Variants in PTCH2 observed in about 807,000 individuals in gnomAD.
PTCH2 encodes patched 2, also known as protein patched homolog 2.
Under a neutral mutation model 117.9 loss-of-function variants are expected in PTCH2, and 96 were observed. The observed-to-expected ratio is 0.81, with a 90% CI of 0.69 to 0.96. PTCH2 has a LOEUF of 0.96. PTCH2 is among the 50% of genes least tolerant of loss of function. The pLI is 0.00. For synonymous variants in PTCH2, 615 were observed against 660.9 expected (o/e 0.93, Z 1.06); for missense variants, 1,379 against 1,562.5 (o/e 0.88, Z 1.98).
rs574326838 is a variant in PTCH2 at position 44,834,273 on chromosome 1, C to T, written c.266-1932G>A. On this transcript the variant is annotated intron_variant, in intron 2 of 21. Coordinates refer to ENST00000372192, the MANE Select transcript of PTCH2 (RefSeq NM_003738.5). ...TAGTTGGGATTACAGGTGCCTGCCACTACGCCTGGCTAATTTTTATATTAT... is the reference window on the plus strand; with the variant it reads ...TAGTTGGGATTACAGGTGCCTGCCATTACGCCTGGCTAATTTTTATATTAT... Among the ~76,000 whole-genome samples, 12 of 152,288 alleles carry T rather than the reference C, an allele frequency of 7.9e-5. No individual in the cohort carries two copies. In the East Asian group the frequency reaches 1.7e-3, roughly 22 times the overall value.
intron 2 of PTCH2, among the ~76,000 whole-genome samples, chr1:44,839,388 A>AC (rs1653840693): frequency 9.4e-5 from 14 of 149,138 alleles, no homozygotes; most frequent in African/African-American, 3.2e-4. Flanking sequence ...AAAAAACAGA[A>AC]AGAAAAAAAA....
Position 44,828,647 on chromosome 1 carries a change from G to A in PTCH2, c.1465-16C>T. 6.2e-7 allele frequency: 1 copy of A among 1,609,454 alleles called. No individual in the cohort carries two copies. The highest frequency in any genetic ancestry group is 1.1e-5 in the South Asian group (1 of 90,316). ...CCATGCGCTCCTGCCAGGACAGAGT[G>A]GGGACCTGCCCTCAGGTCACAAGGG... On this transcript the variant is annotated splice_polypyrimidine_tract_variant and intron_variant, in intron 11 of 21. Coordinates refer to ENST00000372192, the MANE Select transcript of PTCH2 (RefSeq NM_003738.5).
chr1:44,835,270 T>C (rs1468984592), intron 2 of PTCH2, among the ~76,000 whole-genome samples: 1 of 152,134 alleles, frequency 6.6e-6, no homozygotes, highest in Non-Finnish European at 1.5e-5. Context: ...TTGCCCAGGC[T>C]GGTCTCGAAC....
intron 2 of PTCH2, among the ~76,000 whole-genome samples, chr1:44,837,272 T>G (rs975459650): frequency 6.6e-6 from 1 of 152,144 alleles, no homozygotes; most frequent in East Asian, 1.9e-4. Flanking sequence ...TATATATTTT[T>G]TTGAGACAGA....
intron 2 of PTCH2, among the ~76,000 whole-genome samples, 178 bp downstream of exon 2, chr1:44,841,669 C>A (rs1489667369): frequency 6.6e-6 from 1 of 152,190 alleles, no homozygotes; most frequent in African/African-American, 2.4e-5. Flanking sequence ...CTGCAGATGT[C>A]CATTTATGGT....
In PTCH2 at chr1:44,828,432, G is replaced by C; in HGVS notation, c.1591-18C>G. On this transcript the variant is annotated intron_variant, in intron 12 of 21. Transcript: ENST00000372192. ...ATGGCCGCCTGGGGGACGGACAGGA[G>C]GGGAATGAAGGCTGGATGAAGCTTG... 1.2e-6 allele frequency: 2 copies of C among 1,614,128 alleles called. No homozygotes were observed. Among genetic ancestry groups the C allele is most frequent in the Non-Finnish European group, 1.7e-6 (2 of 1,180,022 alleles).
At position 44,830,587 on chromosome 1, in the gene PTCH2, C is replaced by CAAAAAAAAAAAAAAAAAAAAAAAAAAAAA. The variant is rs768951349; in HGVS notation, c.813+260_813+261insTTTTTTTTTTTTTTTTTTTTTTTTTTTTT. 1.3e-3 allele frequency among the ~76,000 whole-genome samples: 85 copies of CAAAAAAAAAAAAAAAAAAAAAAAAAAAAA among 65,094 alleles called. 5 individuals are homozygous for CAAAAAAAAAAAAAAAAAAAAAAAAAAAAA. The highest frequency in any genetic ancestry group is 5.5e-3 in the African/African-American group (81 of 14,650). The allele number at this position is 65,094 out of a possible 152,430, so 42.7% of individuals were successfully genotyped here. A position where few individuals can be genotyped will look rare whatever the true frequency, so the allele number is the denominator to read the frequency against. ...CCAGCCTGGGTGACAGAGTGAGACTCAAAAAAAAAAAAAAAAAGAAGTCCA... is the reference window on the plus strand; with the variant it reads ...CCAGCCTGGGTGACAGAGTGAGACTCAAAAAAAAAAAAAAAAAAAAAAAAAAAAAAAAAAAAAAAAAAAAAAGAAGTCCA... On this transcript the variant is annotated intron_variant, in intron 6 of 21. Coordinates refer to ENST00000372192, the MANE Select transcript of PTCH2 (RefSeq NM_003738.5).
Position 44,841,989 on chromosome 1 carries a change from C to A in PTCH2, c.123G>T (p.Gln41His). The part of the protein sequence containing the change: ...KAPLWLRAYF[Q>H]GLLFSLGCGI... ...CGCATCCCAGAGAGAAGAGCAGGCC[C>A]TGGAAGTAAGCACGAAGCCAGAGTG... is the stretch of plus-strand genomic sequence containing the variant. Residue 41 changes from glutamine (Q) to histidine (H), a missense_variant, in exon 2 of 22, where the codon CAG (glutamine) becomes CAT (histidine). Physicochemically the swap from Gln to His is conservative, Grantham distance 24 (BLOSUM62 0). Coordinates refer to ENST00000372192, the MANE Select transcript of PTCH2 (RefSeq NM_003738.5). 6.2e-7 allele frequency: 1 copy of A among 1,614,214 alleles called. No homozygotes were observed. The highest frequency in any genetic ancestry group is 1.1e-5 in the South Asian group (1 of 91,090).
chr1:44,819,987 A>AC (rs1652845062), downstream of PTCH2: 2 of 155,314 alleles, frequency 1.3e-5, no homozygotes, highest in African/African-American at 4.8e-5. Flanking sequence ...TTTGAAGAGA[A>AC]ACCCGAGTAT....
rs756076827 is a variant in PTCH2 at position 44,832,058 on chromosome 1, G to A, written c.456-14C>T. 8.7e-6 allele frequency: 14 copies of A among 1,612,770 alleles called. No homozygotes were observed. Among genetic ancestry groups the A allele is most frequent in the South Asian group, 5.5e-5 (5 of 91,062 alleles). On this transcript the variant is annotated splice_polypyrimidine_tract_variant and intron_variant, in intron 3 of 21. Coordinates refer to ENST00000372192, the MANE Select transcript of PTCH2 (RefSeq NM_003738.5). ...AAATCCCAGGACCTGCAATAGCCAG[G>A]GGCATAGGAGATCAGCAGAAGAAGG... is the stretch of plus-strand genomic sequence containing the variant.
downstream of PTCH2, chr1:44,820,424 AGAGGGAC>A (rs1223488668): frequency 1.5e-6 from 1 of 664,338 alleles, no homozygotes; most frequent in Non-Finnish European, 2.8e-6. Flanking sequence ...GGGCTTAGAG[AGAGGGAC>A]GGGGAAACAG....
In PTCH2 at chr1:44,827,676, C is replaced by G. The variant is rs779189611; in HGVS notation, c.2097G>C (p.Leu699=). ...GCACCAAGGTGGCTCCGTAGAGGCT[C>G]AGGCCCAGAAGAGCACCAAAGAGCA... The part of the protein sequence containing the change: ...VLVLFGALLG[L]SLYGATLVQD... Residue 699 remains leucine (L), a synonymous_variant, in exon 15 of 22, where the codon CTG becomes CTC. Coordinates refer to ENST00000372192, the MANE Select transcript of PTCH2 (RefSeq NM_003738.5). 5.3e-5 allele frequency: 86 copies of G among 1,612,372 alleles called. No individual in the cohort carries two copies. Among genetic ancestry groups the G allele is most frequent in the Middle Eastern group, 1.6e-4 (1 of 6,084 alleles).
rs200800966 is a variant in PTCH2 at position 44,832,260 on chromosome 1, A to G, written c.347T>C (p.Ile116Thr). The stretch of plus-strand genomic sequence containing the variant: ...CTCTCCCTCCTGGCGTGCGGTCTGT[A>G]TCAGCATCTGAGAGGTGTATGCAGC... ...EEAAYTSQML[I>T]QTARQEGENI... The change falls in exon 3 of 22, where the codon ATA becomes ACA. Residue 116 changes from isoleucine (I) to threonine (T), a missense_variant. By Grantham distance (89) the Ile-to-Thr change is moderately conservative. Transcript: ENST00000372192. 3.2e-5 allele frequency: 52 copies of G among 1,614,190 alleles called. No homozygotes were observed. The African/African-American group carries it at 5.3e-4, about 17-fold the overall frequency.
chr1:44,821,720 C>A, downstream of PTCH2: 1 of 1,210,108 alleles, frequency 8.3e-7, no homozygotes, highest in South Asian at 1.5e-5. Flanking sequence ...AGTAGGATTT[C>A]ACACCAACAA....
At chr1:44,841,656 C>T (rs1246795683) in intron 2 of PTCH2, among the ~76,000 whole-genome samples, 191 bp downstream of exon 2, 1 of 152,192 alleles carries the variant, frequency 6.6e-6, no homozygotes, top group Non-Finnish European at 1.5e-5. Flanking sequence ...CAAGGTCTAA[C>T]ATCTGCAGAT....
At chr1:44,834,492 A>G (rs949077663) in intron 2 of PTCH2, among the ~76,000 whole-genome samples, 1 of 152,184 alleles carries the variant, frequency 6.6e-6, no homozygotes, top group African/African-American at 2.4e-5. Flanking sequence ...TATTTCACCA[A>G]GATTAGGCCG....
At position 44,831,786 on chromosome 1, in the gene PTCH2, C is replaced by A; in HGVS notation, c.537G>T (p.Lys179Asn). 6.2e-7 allele frequency: 1 copy of A among 1,605,182 alleles called. No homozygotes were observed. Among genetic ancestry groups the A allele is most frequent in the Non-Finnish European group, 8.5e-7 (1 of 1,175,734 alleles). Residue 179 changes from lysine (K) to asparagine (N), a missense_variant, in exon 5 of 22, where the codon AAG becomes AAT. Physicochemically the swap from Lys to Asn is moderately conservative, Grantham distance 94. Coordinates refer to ENST00000372192, the MANE Select transcript of PTCH2 (RefSeq NM_003738.5). The surrounding 1 kb of genome is among the most constrained non-coding windows in gnomAD (Gnocchi z 4.3). ...GGGTGAGGATCACGCACGGAAACAGCTTCTCAATCATCTGCCAGGGATACC... is the reference window on the plus strand; with the variant it reads ...GGGTGAGGATCACGCACGGAAACAGATTCTCAATCATCTGCCAGGGATACC... ...ENGMIERMIE[K>N]LFPCVILTPL...
At position 44,831,558 on chromosome 1, in the gene PTCH2, C is replaced by G. The variant is rs1653446068; in HGVS notation, c.617+148G>C. The G allele has an allele frequency of 2.6e-6, 2 of 778,052 alleles. No homozygotes were observed. The highest frequency in any genetic ancestry group is 2.1e-6 in the Non-Finnish European group (1 of 466,180). The allele number at this position is 778,052 out of a possible 1,614,324, so 48.2% of individuals were successfully genotyped here. ...AAGAGAAGGAGGATGTGGAGAGAGCCTTGGGGAAGCCCATGCTCTCTGTTC... is the reference window on the plus strand; with the variant it reads ...AAGAGAAGGAGGATGTGGAGAGAGCGTTGGGGAAGCCCATGCTCTCTGTTC... On this transcript the variant is annotated intron_variant, in intron 5 of 21. Coordinates refer to ENST00000372192, the MANE Select transcript of PTCH2 (RefSeq NM_003738.5). This position sits in a 1 kb window ranked among gnomAD's most constrained non-coding sequence, Gnocchi z 4.3.
At chr1:44,836,987 C>T (rs1372904759) in intron 2 of PTCH2, among the ~76,000 whole-genome samples, 1 of 152,112 alleles carries the variant, frequency 6.6e-6, no homozygotes, top group Non-Finnish European at 1.5e-5. Flanking sequence ...AAATGCAAGA[C>T]AAGAATGATT....
Sources: gnomAD v4.1 joint callset for allele counts (sites outside exome capture counted in the v4.1 genomes callset) on GRCh38, gnomAD v4.1.1 for gene constraint, Gnocchi (gnomAD v3.1) non-coding constraint, MANE v1.5 for transcripts, NCBI Gene and HGNC (gene_info 2026-07-23, HGNC 2026-07-21) for gene names.